Variants in PITPNB observed in about 807,000 individuals in gnomAD.
PITPNB encodes the protein phosphatidylinositol transfer protein beta isoform.
PITPNB carries 16 observed loss-of-function variants against 45.9 expected under a neutral mutation model. That is an observed-to-expected ratio of 0.35 (90% CI 0.24 to 0.53). The LOEUF (loss-of-function observed/expected upper bound fraction) is 0.53. Among genes scored for constraint, PITPNB ranks in the 20% least tolerant of loss-of-function variants. The pLI is 0.93. For synonymous variants in PITPNB, 112 were observed against 108.9 expected (o/e 1.03, Z -0.18); for missense variants, 188 against 330.5 (o/e 0.57, Z 3.34).
chr22:27,919,141 C>T (rs1158917395), intron 1 of PITPNB, 31 bp downstream of exon 1: 1 of 1,613,906 alleles, frequency 6.2e-7, no homozygotes, highest in Admixed American at 1.7e-5. Context: ...TGCCGTCCCA[C>T]GGCCTCGCTC....
At chr22:27,899,737 A>T (rs1601418294) in intron 3 of PITPNB, among the ~76,000 whole-genome samples, 2 of 152,240 alleles carry the variant, frequency 1.3e-5, no homozygotes, top group East Asian at 3.9e-4. Flanking sequence ...TGTCCAAAAA[A>T]TTTATCCCAT....
At chr22:27,853,890 A>G (rs990846995) in intron 11 of PITPNB, among the ~76,000 whole-genome samples, 25 of 152,210 alleles carry the variant, frequency 1.6e-4, no homozygotes, top group South Asian at 2.1e-4. Flanking sequence ...GCAGAAATAA[A>G]TCACAAAAAC....
intron 10 of PITPNB, 33 bp from the exon 11 acceptor site, chr22:27,854,972 A>T (rs1031002214): frequency 7.3e-5 from 108 of 1,489,008 alleles, no homozygotes; most frequent in Non-Finnish European, 9.9e-5. Context: ...AGCTGCTGAA[A>T]TCAGACTCTA....
intron 1 of PITPNB, among the ~76,000 whole-genome samples, chr22:27,915,488 T>C (rs1284624787): frequency 6.6e-6 from 1 of 152,158 alleles, no homozygotes; most frequent in Non-Finnish European, 1.5e-5. Context: ...ACTTTCCATC[T>C]ACTCCTTTCT....
intron 7 of PITPNB, among the ~76,000 whole-genome samples, chr22:27,876,661 T>G (rs1266060856): frequency 6.6e-6 from 1 of 152,248 alleles, no homozygotes. Context: ...TTTGCTACAT[T>G]TTCACTATTG....
chr22:27,858,529 A>G lies in PITPNB; in HGVS notation c.646-20T>C, dbSNP rs1413182605. On this transcript the variant is annotated intron_variant, in intron 9 of 11. Coordinates refer to ENST00000335272, the MANE Select transcript of PITPNB (RefSeq NM_012399.5). ...TTCTTGCTTTTAAAACAACAACAAAAAAGTAGCATAAGATGACAAAAACCT... is the reference window on the plus strand; with the variant it reads ...TTCTTGCTTTTAAAACAACAACAAAGAAGTAGCATAAGATGACAAAAACCT... 62 of 1,597,230 alleles carry G rather than the reference A, an allele frequency of 3.9e-5. No homozygotes were observed. The highest frequency in any genetic ancestry group is 5.0e-5 in the Non-Finnish European group (59 of 1,171,430).
At chr22:27,910,822 G>C (rs1372576428) in intron 3 of PITPNB, 142 bp downstream of exon 3, 1 of 612,618 alleles carries the variant, frequency 1.6e-6, no homozygotes, top group Non-Finnish European at 2.9e-6. Context: ...TAAAGGAGGA[G>C]GTTCTGCCAA....
Position 27,853,137 on chromosome 22 carries a change from A to C in PITPNB, c.*565T>G, listed in dbSNP as rs1934072696. On this transcript the variant is annotated 3_prime_UTR_variant, in exon 12 of 12. Coordinates refer to ENST00000335272, the MANE Select transcript of PITPNB (RefSeq NM_012399.5). ...ATTGGAACACCAAAAAATTTTGAAG[A>C]AATTTTCTGTGGGAGTCTACTGCTT... 6.5e-6 allele frequency: 1 copy of C among 153,006 alleles called. No individual in the cohort carries two copies. The highest frequency in any genetic ancestry group is 2.1e-4 in the South Asian group (1 of 4,836). The allele number at this position is 153,006 out of a possible 1,614,324, so 9.5% of individuals were successfully genotyped here.
At chr22:27,856,682 A>G (rs1934183466) in intron 10 of PITPNB, among the ~76,000 whole-genome samples, 1 of 152,216 alleles carries the variant, frequency 6.6e-6, no homozygotes, top group African/African-American at 2.4e-5. Context: ...CAAGGGTTTG[A>G]GCTGTTGGTA....
chr22:27,854,977 A>T, intron 10 of PITPNB, 38 bp from the exon 11 acceptor site: 16 of 1,443,528 alleles, frequency 1.1e-5, no homozygotes, highest in Non-Finnish European at 1.5e-5. Context: ...CTGAAATCAG[A>T]CTCTAAATAG....
At chr22:27,857,910 G>A (rs1934218102) in intron 10 of PITPNB, among the ~76,000 whole-genome samples, 1 of 152,006 alleles carries the variant, frequency 6.6e-6, no homozygotes, top group African/African-American at 2.4e-5. Context: ...CTGCCAGTTG[G>A]GGGAAGCAGA....
chr22:27,902,589 A>T (rs756570085), intron 3 of PITPNB, among the ~76,000 whole-genome samples: 2 of 152,222 alleles, frequency 1.3e-5, no homozygotes, highest in African/African-American at 2.4e-5. Context: ...AAAACTATAA[A>T]ATTCTTATAA....
intron 7 of PITPNB, among the ~76,000 whole-genome samples, chr22:27,883,378 G>A (rs1935028637): frequency 6.6e-6 from 1 of 152,180 alleles, no homozygotes; most frequent in Non-Finnish European, 1.5e-5. Flanking sequence ...AAGGTTGAGG[G>A]GAATATTGTT....
rs1934126961 is a variant in PITPNB, at chr22:27,854,874, AC to A, written c.*17del. The A allele has an allele frequency of 1.2e-6, 2 of 1,611,354 alleles. No individual in the cohort carries two copies. The highest frequency in any genetic ancestry group is 1.7e-6 in the Non-Finnish European group (2 of 1,177,668). ...CTTACACAGTTTGACATTGTCTCTG[AC>A]CCTACAGGGGACTCATCTAGACATC... On this transcript the variant is annotated 3_prime_UTR_variant, in exon 11 of 12. Transcript: ENST00000335272.
chr22:27,862,126 G>T (rs963998568), intron 8 of PITPNB, among the ~76,000 whole-genome samples: 1 of 152,094 alleles, frequency 6.6e-6, no homozygotes, highest in African/African-American at 2.4e-5. Context: ...TGCCACCACT[G>T]CTTGTCAGCT....
Position 27,854,918 on chromosome 22 carries a change from G to T in PITPNB, c.790C>A (p.Arg264=). The change falls in exon 11 of 12, where the codon CGA becomes AGA. Residue 264 remains arginine, a synonymous_variant. Coordinates refer to ENST00000335272, the MANE Select transcript of PITPNB (RefSeq NM_012399.5). Reference sequence around the variant, plus strand: ...TAGACATCAGCAGCCGACGTGCCTCGAACGGAACCCCTCTTACGCATCTAA... The same window carrying T: ...TAGACATCAGCAGCCGACGTGCCTCTAACGGAACCCCTCTTACGCATCTAA... ...LETMRKRGSV[R]GTSAADV 1 of 1,613,394 alleles carries T rather than the reference G, an allele frequency of 6.2e-7. No homozygotes were observed. Among genetic ancestry groups the T allele is most frequent in the Non-Finnish European group, 8.5e-7 (1 of 1,179,420 alleles).
At chr22:27,892,637 C>A (rs1407412661) in intron 7 of PITPNB, among the ~76,000 whole-genome samples, 1 of 152,140 alleles carries the variant, frequency 6.6e-6, no homozygotes, top group African/African-American at 2.4e-5. Flanking sequence ...CTCTTCCCAT[C>A]ATTCTTTCAC....
intron 6 of PITPNB, among the ~76,000 whole-genome samples, chr22:27,894,861 C>T (rs1468958789): frequency 6.6e-6 from 1 of 152,132 alleles, no homozygotes; most frequent in Admixed American, 6.5e-5. Flanking sequence ...GAGGATGCTG[C>T]CAAATGAATA....
chr22:27,912,007 C>T (rs1166916595), intron 2 of PITPNB, among the ~76,000 whole-genome samples: 1 of 152,164 alleles, frequency 6.6e-6, no homozygotes, highest in Non-Finnish European at 1.5e-5. Context: ...CCAACTGTGG[C>T]ACTATCTTCC....
Sources: gnomAD v4.1 joint callset for allele counts (sites outside exome capture counted in the v4.1 genomes callset) on GRCh38, gnomAD v4.1.1 for gene constraint, MANE v1.5 for transcripts, NCBI Gene and HGNC (gene_info 2026-07-23, HGNC 2026-07-21) for gene names.